KAZN: variants seen among roughly 807,000 people sequenced by gnomAD.
The protein encoded by KAZN is kazrin, periplakin interacting protein, also known as kazrin.
KAZN carries 40 observed loss-of-function variants against 87.4 expected under a neutral mutation model. The ratio of observed to expected loss-of-function variants is 0.46; its 90% CI spans 0.36 to 0.60. The LOEUF is 0.60. KAZN is among the 20% of genes least tolerant of loss of function. The pLI is 0.00. For synonymous variants in KAZN, 466 were observed against 458.3 expected (o/e 1.02, Z -0.22); for missense variants, 898 against 1,073.9 (o/e 0.84, Z 2.29).
chr1:14,110,467 G>A (rs11590023), intron 1 of KAZN, among the ~76,000 whole-genome samples: 43,786 of 151,934 alleles, frequency 0.29, 6,687 homozygotes, highest in East Asian at 0.55. Flanking sequence ...GCGCCTGTAT[G>A]GGTGTGACCC....
intron 3 of KAZN, 29 bp downstream of exon 3, chr1:15,034,914 C>G (rs777786873): frequency 6.2e-7 from 1 of 1,611,358 alleles, no homozygotes; most frequent in Middle Eastern, 1.8e-4. Flanking sequence ...CTCCCCTCCC[C>G]TCCCGACACA....
intron 1 of KAZN, among the ~76,000 whole-genome samples, chr1:14,624,623 G>C (rs1678975684): frequency 6.6e-6 from 1 of 152,094 alleles, no homozygotes. Context: ...AAAATCTCCA[G>C]CCACCATGCA....
intron 2 of KAZN, among the ~76,000 whole-genome samples, chr1:14,389,239 G>A (rs1452226071): frequency 1.3e-5 from 2 of 152,048 alleles, no homozygotes; most frequent in South Asian, 2.1e-4. Flanking sequence ...AGGAACCCTC[G>A]TACATTGTAG....
intron 2 of KAZN, among the ~76,000 whole-genome samples, chr1:14,343,492 A>G (rs1012887509): frequency 6.6e-6 from 1 of 152,164 alleles, no homozygotes; most frequent in African/African-American, 2.4e-5. Flanking sequence ...ATGGAGCTCC[A>G]TGGTGATCAT....
intron 8 of KAZN, among the ~76,000 whole-genome samples, chr1:15,084,338 G>A (rs1640150184): frequency 6.6e-6 from 1 of 152,224 alleles, no homozygotes; most frequent in South Asian, 2.1e-4. Flanking sequence ...GGTGGACAGT[G>A]CACACAGCCA....
At chr1:14,662,885 G>A (rs1177790563) in intron 1 of KAZN, among the ~76,000 whole-genome samples, 1 of 145,288 alleles carries the variant, frequency 6.9e-6, no homozygotes, top group East Asian at 2.0e-4. Context: ...ATATATATAT[G>A]TATATATTAT....
chr1:13,970,630 C>T (rs889685942), intron 1 of KAZN, among the ~76,000 whole-genome samples: 1 of 152,188 alleles, frequency 6.6e-6, no homozygotes, highest in African/African-American at 2.4e-5. Flanking sequence ...AGGATTTGAT[C>T]TCTTAAGATT....
intron 1 of KAZN, among the ~76,000 whole-genome samples, chr1:14,715,924 G>A (rs563674732): frequency 2.6e-5 from 4 of 152,304 alleles, no homozygotes; most frequent in East Asian, 3.9e-4. Context: ...TAAAATGGAC[G>A]CTGGAGTGTT....
At chr1:13,917,374 A>G (rs1204232513) in intron 1 of KAZN, among the ~76,000 whole-genome samples, 2 of 152,220 alleles carry the variant, frequency 1.3e-5, no homozygotes, top group Non-Finnish European at 2.9e-5. Context: ...CTAGAGAGGA[A>G]AAGTTGATGC....
At chr1:14,029,984 T>G (rs1486345360) in intron 1 of KAZN, among the ~76,000 whole-genome samples, 1 of 152,224 alleles carries the variant, frequency 6.6e-6, no homozygotes, top group Non-Finnish European at 1.5e-5. Context: ...ATATGAACTT[T>G]AAAGTAGTTT....
chr1:14,890,380 G>T (rs993607006), intron 1 of KAZN, among the ~76,000 whole-genome samples: 1 of 152,152 alleles, frequency 6.6e-6, no homozygotes, highest in African/African-American at 2.4e-5. Context: ...GAATCTCCCG[G>T]GCACCAGTCC....
At chr1:14,883,343 A>AGAGGGAGGGAGGG (rs375634372) in intron 1 of KAZN, among the ~76,000 whole-genome samples, 1 of 33,314 alleles carries the variant, frequency 3.0e-5, no homozygotes, top group South Asian at 1.8e-3. Context: ...AGAGAGAGAG[A>AGAGGGAGGGAGGG]AAGAAAGAAA....
At chr1:14,770,199 G>C (rs1644985695) in intron 1 of KAZN, among the ~76,000 whole-genome samples, 1 of 152,172 alleles carries the variant, frequency 6.6e-6, no homozygotes, top group Admixed American at 6.5e-5. Context: ...GCCATAGAAG[G>C]TTTTAAACAG....
At position 14,002,135 on chromosome 1, in the gene KAZN, G is replaced by T. The variant is rs572484376; in HGVS notation, c.91+108379G>T. Among the ~76,000 whole-genome samples, 3 of 152,236 alleles carry T rather than the reference G, an allele frequency of 2.0e-5. No homozygotes were observed. In the South Asian group the frequency reaches 6.2e-4, roughly 32 times the overall value. On this transcript the variant is annotated intron_variant, in intron 1 of 16. Transcript: ENST00000636203. ...AGGTCTAATATCCAGAATATACAAG[G>T]AACTTAAAGAAATTTACAAGAAAAA...
At chr1:14,678,643 G>A (rs1640386258) in intron 1 of KAZN, among the ~76,000 whole-genome samples, 5 of 152,156 alleles carry the variant, frequency 3.3e-5, no homozygotes, top group Admixed American at 3.3e-4. Flanking sequence ...CAGCTCCCAT[G>A]GGCTGTTTGA....
At chr1:14,421,150 A>T (rs1665401037) in intron 2 of KAZN, among the ~76,000 whole-genome samples, 1 of 152,262 alleles carries the variant, frequency 6.6e-6, no homozygotes, top group Non-Finnish European at 1.5e-5. Flanking sequence ...AATTAAAAGG[A>T]TGAAAATAGT....
At chr1:13,928,708 C>T (rs761801474) in intron 1 of KAZN, among the ~76,000 whole-genome samples, 166 of 152,236 alleles carry the variant, frequency 1.1e-3, no homozygotes, top group Admixed American at 1.6e-3. Flanking sequence ...CATACATGGG[C>T]ATATTTTGGG....
At chr1:14,514,021 GA>G (rs1300295032) in intron 2 of KAZN, among the ~76,000 whole-genome samples, 1 of 151,030 alleles carries the variant, frequency 6.6e-6, no homozygotes, top group South Asian at 2.1e-4. Flanking sequence ...CAGCTGAGCC[GA>G]AAAAAAATAT....
chr1:13,985,870 A>G (rs1638991062), intron 1 of KAZN, among the ~76,000 whole-genome samples: 2 of 152,224 alleles, frequency 1.3e-5, no homozygotes, highest in South Asian at 4.1e-4. Flanking sequence ...TATTCCTTTT[A>G]ATTTCCAGAT....
Sources: allele counts gnomAD v4.1 joint callset (sites outside exome capture counted in the v4.1 genomes callset), GRCh38; gene constraint gnomAD v4.1.1; transcripts MANE v1.5; gene names NCBI Gene and HGNC (gene_info 2026-07-23, HGNC 2026-07-21).